CDC42BPG: variants seen among roughly 807,000 people sequenced by gnomAD.
CDC42BPG encodes CDC42 binding protein kinase gamma, also known as serine/threonine-protein kinase MRCK gamma.
Under a neutral mutation model 192.2 loss-of-function variants are expected in CDC42BPG, and 157 were observed. The ratio of observed to expected loss-of-function variants is 0.82; its 90% CI spans 0.72 to 0.93. CDC42BPG has a LOEUF of 0.93. CDC42BPG is among the 40% of genes least tolerant of loss of function. CDC42BPG has a pLI of 0.00. For synonymous variants in CDC42BPG, 981 were observed against 918.5 expected, an observed-to-expected ratio of 1.07 and a Z score of -1.23; for missense variants, 1,992 against 2,122.1, an observed-to-expected ratio of 0.94 and a Z score of 1.20.
chr11:64,834,369 A>G lies in CDC42BPG; in HGVS notation c.2325-15T>C. 6.4e-7 allele frequency: 1 copy of G among 1,564,156 alleles called. No homozygotes were observed. The stretch of plus-strand genomic sequence containing the variant: ...CCTGCAGACGGCTGGGGAGAATGGC[A>G]AGGGCTCGCCACTGGCCTCTGTGCG... On this transcript the variant is annotated splice_polypyrimidine_tract_variant and intron_variant, in intron 19 of 36. Coordinates refer to ENST00000342711, the MANE Select transcript of CDC42BPG (RefSeq NM_017525.3).
In CDC42BPG at chr11:64,824,518, C is replaced by A. The variant is rs145888547; in HGVS notation, c.4611G>T (p.Arg1537=). 5.0e-6 allele frequency: 8 copies of A among 1,607,622 alleles called. No homozygotes were observed. The African/African-American group carries it at 6.7e-5, about 13-fold the overall frequency. Residue 1537 remains arginine (R), a synonymous_variant, in exon 37 of 37, where the codon CGG becomes CGT. Transcript: ENST00000342711. The part of the protein sequence containing the change: ...PATSLMQVSE[R]PRSLPLSPEL... ...CAGGGGATAGGGGGAGGCTTCGGGG[C>A]CGTTCTGAGACCTGCAGGAGAAAGA... is the stretch of plus-strand genomic sequence containing the variant.
intron 11 of CDC42BPG, 34 bp downstream of exon 11, chr11:64,836,705 C>CCGA: frequency 5.7e-6 from 2 of 352,550 alleles, no homozygotes; most frequent in Non-Finnish European, 4.2e-6. Context: ...GGACTCAGCC[C>CCGA]TGGGGGGGGG....
intron 30 of CDC42BPG, 98 bp from the exon 31 acceptor site, chr11:64,827,881 T>C: frequency 2.9e-6 from 3 of 1,025,948 alleles, no homozygotes; most frequent in Admixed American, 2.7e-5. Flanking sequence ...TGCCCCACGC[T>C]AAGGTCCTTC....
intron 1 of CDC42BPG, among the ~76,000 whole-genome samples, chr11:64,844,029 T>G (rs1943394766): frequency 6.6e-6 from 1 of 152,114 alleles, no homozygotes; most frequent in South Asian, 2.1e-4. Context: ...ACAGAGCCCG[T>G]GTATCAGTGG....
Position 64,836,196 on chromosome 11 carries a change from T to C in CDC42BPG, c.1589A>G (p.Gln530Arg). The change falls in exon 13 of 37, where the codon CAG (glutamine) becomes CGG (arginine). Residue 530 changes from glutamine to arginine, a missense_variant. Around this residue, in one of 2 missense-constraint regions of CDC42BPG, gnomAD observed 1,656 missense variants for 1,844.3 expected, o/e 0.90. Coordinates refer to ENST00000342711, the MANE Select transcript of CDC42BPG (RefSeq NM_017525.3). ...EELLQRLQEAQEREAATASQT... is the reference protein window; with the variant it reads ...EELLQRLQEAREREAATASQT... The stretch of plus-strand genomic sequence containing the variant: ...GCTAGCTGTGGCCGCCTCTCTCTCC[T>C]GGGCCTCCTGTAGCCTCTGAAGCAG... The C allele has an allele frequency of 6.3e-7, 1 of 1,597,728 alleles. No individual in the cohort carries two copies. Among genetic ancestry groups the C allele is most frequent in the Non-Finnish European group, 8.5e-7 (1 of 1,174,082 alleles).
chr11:64,838,158 G>A lies in CDC42BPG; in HGVS notation c.1130C>T (p.Thr377Ile). The A allele has an allele frequency of 6.4e-7, 1 of 1,551,862 alleles. No homozygotes were observed. Among genetic ancestry groups the A allele is most frequent in the Non-Finnish European group, 8.7e-7 (1 of 1,148,228 alleles). ...VDDDTLNHPG[T>I]LPPPSHGAFS... ...GGCCCCGTGGGAGGGCGGTGGCAGG[G>A]TCCCCTGCAGAGGGAGAGGGAAGGA... The change falls in exon 9 of 37, where the codon ACC becomes ATC. Residue 377 changes from threonine to isoleucine, a missense_variant. By Grantham distance (89) the Thr-to-Ile change is moderately conservative (BLOSUM62 -1). Around this residue, in one of 2 missense-constraint regions of CDC42BPG, gnomAD observed 1,656 missense variants for 1,844.3 expected, o/e 0.90. Coordinates refer to ENST00000342711, the MANE Select transcript of CDC42BPG (RefSeq NM_017525.3).
chr11:64,836,410 C>A lies in CDC42BPG; in HGVS notation c.1488+17G>T. 6.5e-7 allele frequency: 1 copy of A among 1,532,408 alleles called. No homozygotes were observed. Among genetic ancestry groups the A allele is most frequent in the South Asian group, 1.1e-5 (1 of 89,754 alleles). 94.9% of individuals were successfully genotyped at this position (1,532,408 alleles called of 1,614,324 possible). Reference sequence around the variant, plus strand: ...ACCCACCTCACCCAGCCCTCACCCACCTCACCCAGCCCTCACCCGGTGAAG... The same window carrying A: ...ACCCACCTCACCCAGCCCTCACCCAACTCACCCAGCCCTCACCCGGTGAAG... On this transcript the variant is annotated intron_variant, in intron 12 of 36. Transcript: ENST00000342711.
In CDC42BPG at chr11:64,831,491, C is replaced by G. The variant is rs1942685335; in HGVS notation, c.3304+14G>C. The G allele has an allele frequency of 6.2e-7, 1 of 1,600,998 alleles. No individual in the cohort carries two copies. The highest frequency in any genetic ancestry group is 8.5e-7 in the Non-Finnish European group (1 of 1,171,458). Reference sequence around the variant, plus strand: ...GGCCTGAACTGCTTCCTCCAGTCCCCTCCACCAGCTCACCGAGGATGGCAG... The same window carrying G: ...GGCCTGAACTGCTTCCTCCAGTCCCGTCCACCAGCTCACCGAGGATGGCAG... On this transcript the variant is annotated intron_variant, in intron 28 of 36. Coordinates refer to ENST00000342711, the MANE Select transcript of CDC42BPG (RefSeq NM_017525.3).
chr11:64,828,245 G>A (rs1267039034), intron 30 of CDC42BPG, among the ~76,000 whole-genome samples: 1 of 150,136 alleles, frequency 6.7e-6, no homozygotes, highest in Non-Finnish European at 1.5e-5. Flanking sequence ...CATCATGCTA[G>A]TTACTTGTGC....
intron 29 of CDC42BPG, 23 bp from the exon 30 acceptor site, chr11:64,830,093 G>A: frequency 6.2e-7 from 1 of 1,612,492 alleles, no homozygotes; most frequent in Non-Finnish European, 8.5e-7. Context: ...CGAGGGGAGA[G>A]TGTCACTGGC....
chr11:64,834,809 C>G, intron 18 of CDC42BPG, 40 bp downstream of exon 18: 1 of 1,585,066 alleles, frequency 6.3e-7, no homozygotes, highest in Non-Finnish European at 8.6e-7. Context: ...AGGTCAGTGA[C>G]TTGCCCAAGC....
chr11:64,838,282 AAC>A (rs1468724738), intron 8 of CDC42BPG, 120 bp from the exon 9 acceptor site: 71 of 705,120 alleles, frequency 1.0e-4, no homozygotes, highest in South Asian at 1.3e-4. Flanking sequence ...TCAGGGGGGT[AAC>A]ACAGCCCAAC....
chr11:64,828,199 C>T (rs1207442058), intron 30 of CDC42BPG, among the ~76,000 whole-genome samples: 2 of 152,142 alleles, frequency 1.3e-5, no homozygotes, highest in Admixed American at 6.5e-5. Flanking sequence ...CCATTGCTCA[C>T]GAAGGACACT....
Position 64,841,726 on chromosome 11 carries a change from ACGGTGACCTAAGG to A in CDC42BPG, c.253-6_259del. 1 of 1,613,892 alleles carries A rather than the reference ACGGTGACCTAAGG, an allele frequency of 6.2e-7. No homozygotes were observed. Among genetic ancestry groups the A allele is most frequent in the Non-Finnish European group, 8.5e-7 (1 of 1,179,974 alleles). ...CTGCCCAGTGTCCCTCTGCCTCACC[ACGGTGACCTAAGG>A]CCACAGGGAGGACCGGGGTGAGCCC... On this transcript the variant is annotated splice_acceptor_variant and splice_polypyrimidine_tract_variant and coding_sequence_variant and intron_variant, in exon 3 of 37. Coordinates refer to ENST00000342711, the MANE Select transcript of CDC42BPG (RefSeq NM_017525.3). LOFTEE classifies it high-confidence loss of function.
chr11:64,826,825 C>A (rs376711604), intron 34 of CDC42BPG, 31 bp from the exon 35 acceptor site: 2 of 1,473,828 alleles, frequency 1.4e-6, no homozygotes, highest in African/African-American at 2.8e-5. Context: ...GGGGCTGGGA[C>A]TAGCAGGCAC....
At chr11:64,827,220 C>G (rs1301028641) in intron 33 of CDC42BPG, 53 bp from the exon 34 acceptor site, 1 of 1,613,592 alleles carries the variant, frequency 6.2e-7, no homozygotes, top group East Asian at 2.2e-5. Flanking sequence ...TCCCTTCGAC[C>G]CGTCCACAAG....
intron 17 of CDC42BPG, 30 bp downstream of exon 17, chr11:64,835,017 T>TGCCCCCCCCCCCCCCCCCCCCGGCCCC: frequency 6.4e-7 from 1 of 1,571,958 alleles, no homozygotes; most frequent in Non-Finnish European, 8.7e-7. Context: ...TCGCCTGCGT[T>TGCCCCCCCCCCCCCCCCCCCCGGCCCC]CCCCACCCCG....
intron 36 of CDC42BPG, 126 bp from the exon 37 acceptor site, chr11:64,824,655 C>T: frequency 1.6e-6 from 1 of 641,432 alleles, no homozygotes; most frequent in East Asian, 2.8e-5. Context: ...TGGAGGAAGC[C>T]AGATGTGAGG....
chr11:64,834,493 G>C lies in CDC42BPG; in HGVS notation c.2260C>G (p.Arg754Gly), dbSNP rs780874244. Residue 754 changes from arginine (R) to glycine (G), a missense_variant, in exon 19 of 37, where the codon CGC becomes GGC. Arg to Gly is a moderately radical substitution (Grantham distance 125). Coordinates refer to ENST00000342711, the MANE Select transcript of CDC42BPG (RefSeq NM_017525.3). ...ELQSALEAEIRAKQGLQERLT... is the reference protein window; with the variant it reads ...ELQSALEAEIGAKQGLQERLT... The stretch of plus-strand genomic sequence containing the variant: ...CGCTCCTGCAGGCCCTGCTTGGCGC[G>C]GATCTCGGCCTCCAGCGCTGACTGC... 3.2e-6 allele frequency: 5 copies of C among 1,574,784 alleles called. No homozygotes were observed. The African/African-American group carries it at 4.0e-5, about 13-fold the overall frequency.
Sources: gnomAD v4.1 joint callset for allele counts (sites outside exome capture counted in the v4.1 genomes callset) on GRCh38, gnomAD v4.1.1 for gene constraint, gnomAD v4.1.1 regional missense constraint, MANE v1.5 for transcripts, NCBI Gene and HGNC (gene_info 2026-07-23, HGNC 2026-07-21) for gene names.